Variants in FAM13C observed in about 807,000 individuals in gnomAD.
FAM13C encodes protein FAM13C.
Under a neutral mutation model 73.2 loss-of-function variants are expected in FAM13C, and 37 were observed. That is an observed-to-expected ratio of 0.51 (90% CI 0.39 to 0.67). The LOEUF (loss-of-function observed/expected upper bound fraction) is 0.67. Ranked by LOEUF, FAM13C falls within the 30% of genes least tolerant of loss-of-function variation. FAM13C has a pLI of 0.00. For synonymous variants in FAM13C, 246 were observed against 260.9 expected (o/e 0.94, Z 0.55); for missense variants, 589 against 715.6 (o/e 0.82, Z 2.02).
At chr10:59,316,894 T>A (rs558777350) in intron 4 of FAM13C, among the ~76,000 whole-genome samples, 21 of 152,322 alleles carry the variant, frequency 1.4e-4, no homozygotes, top group Admixed American at 1.2e-3. Context: ...CAATGTAATA[T>A]AATTATGTAT....
intron 3 of FAM13C, among the ~76,000 whole-genome samples, chr10:59,347,065 T>C (rs1854390464): frequency 6.6e-6 from 1 of 152,112 alleles, no homozygotes; most frequent in African/African-American, 2.4e-5. Flanking sequence ...AGGCATTCTT[T>C]TGCAAAGCCT....
intron 1 of FAM13C, 47 bp from the exon 2 acceptor site, chr10:59,355,990 T>C (rs1049454786): frequency 4.0e-6 from 6 of 1,516,032 alleles, no homozygotes; most frequent in Admixed American, 1.7e-5. Context: ...TTGTCTGCTA[T>C]AGCAGTAGTA....
intron 6 of FAM13C, among the ~76,000 whole-genome samples, chr10:59,274,712 C>T (rs999280987): frequency 1.3e-5 from 2 of 152,186 alleles, no homozygotes; most frequent in Non-Finnish European, 1.5e-5. Flanking sequence ...TATTTAATGT[C>T]TCTCAATCTC....
intron 6 of FAM13C, among the ~76,000 whole-genome samples, chr10:59,281,769 T>G (rs1025172211): frequency 1.3e-5 from 2 of 152,134 alleles, no homozygotes; most frequent in African/African-American, 4.8e-5. Flanking sequence ...GGAAGACACA[T>G]AAAAGTCATG....
Position 59,255,087 on chromosome 10 carries a change from T to C in FAM13C, c.1237-644A>G, listed in dbSNP as rs182186303. Among the ~76,000 whole-genome samples, 131 of 152,344 alleles carry C rather than the reference T, an allele frequency of 8.6e-4. 3 individuals are homozygous for C. The highest frequency in any genetic ancestry group is 1.3e-3 in the Non-Finnish European group (91 of 68,034). On this transcript the variant is annotated intron_variant, in intron 10 of 13. Coordinates refer to ENST00000618804, the MANE Select transcript of FAM13C (RefSeq NM_198215.4). ...AGACATTGATTTTTCTTCTGAAACA[T>C]GTATTTTATCTAGACTTTCCTGATT...
At position 59,331,403 on chromosome 10, in the gene FAM13C, C is replaced by T. The variant is rs139221139; in HGVS notation, c.325-7297G>A. Among the ~76,000 whole-genome samples the T allele has an allele frequency of 8.1e-3, 1,230 of 152,192 alleles. 15 individuals carry two copies. Among genetic ancestry groups the T allele is most frequent in the African/African-American group, 0.028 (1,173 of 41,530 alleles). On this transcript the variant is annotated intron_variant, in intron 3 of 13. Transcript: ENST00000618804. ...AGAGCATGGAATGTTCAAGGAACTC[C>T]GGATGGGTGACTATTTTTAGAGTGA...
At chr10:59,360,867 A>T in intron 1 of FAM13C, among the ~76,000 whole-genome samples, 1 of 127,984 alleles carries the variant, frequency 7.8e-6, no homozygotes, top group South Asian at 2.4e-4. Context: ...AAAAAAAAAA[A>T]AAAAAAAAAA....
intron 13 of FAM13C, among the ~76,000 whole-genome samples, chr10:59,249,659 G>T (rs1841180432): frequency 1.3e-5 from 2 of 152,154 alleles, no homozygotes; most frequent in African/African-American, 4.8e-5. Context: ...ACTTATGGAT[G>T]CTTAGGCCTT....
intron 6 of FAM13C, among the ~76,000 whole-genome samples, chr10:59,275,340 C>T (rs1266159736): frequency 1.3e-5 from 2 of 152,100 alleles, no homozygotes; most frequent in East Asian, 1.9e-4. Flanking sequence ...GCCAGAGGAA[C>T]GTATGATTCT....
At position 59,344,178 on chromosome 10, in the gene FAM13C, G is replaced by A. The variant is rs562395462; in HGVS notation, c.324+8092C>T. 4.0e-5 allele frequency among the ~76,000 whole-genome samples: 6 copies of A among 151,450 alleles called. No individual in the cohort carries two copies. The South Asian group carries it at 1.2e-3, about 32-fold the overall frequency. ...GGGGTTTCACCGTTTTAGCCAGGAT[G>A]GTCTCGATTTCCTGACCTCGCGATC... On this transcript the variant is annotated intron_variant, in intron 3 of 13. Transcript: ENST00000618804.
At chr10:59,294,436 G>C (rs1414374758) in intron 5 of FAM13C, among the ~76,000 whole-genome samples, 2 of 152,142 alleles carry the variant, frequency 1.3e-5, no homozygotes, top group Non-Finnish European at 2.9e-5. Flanking sequence ...CTGCCTCAAT[G>C]CCTCTGCTCA....
intron 5 of FAM13C, chr10:59,283,723 T>C (rs1845208626): frequency 3.4e-6 from 2 of 580,688 alleles, no homozygotes; most frequent in Non-Finnish European, 3.1e-6. Context: ...CTAACGTATA[T>C]GGATTATCTG....
chr10:59,251,522 A>G (rs755167884), intron 13 of FAM13C, 53 bp downstream of exon 13: 43 of 1,501,652 alleles, frequency 2.9e-5, no homozygotes, highest in Non-Finnish European at 3.6e-5. Flanking sequence ...CTCATTTTTA[A>G]CAGCAATTCT....
intron 4 of FAM13C, among the ~76,000 whole-genome samples, chr10:59,321,820 C>T (rs1850342431): frequency 6.6e-6 from 1 of 152,078 alleles, no homozygotes; most frequent in Non-Finnish European, 1.5e-5. Context: ...CGAGTCTCAC[C>T]AAAATGATGT....
At chr10:59,314,910 C>G (rs190056698) in intron 4 of FAM13C, among the ~76,000 whole-genome samples, 3 of 152,286 alleles carry the variant, frequency 2.0e-5, no homozygotes, top group African/African-American at 7.2e-5. Flanking sequence ...ATAAAATCAT[C>G]TGTAGTATTT....
At chr10:59,278,194 C>T (rs1171935623) in intron 6 of FAM13C, among the ~76,000 whole-genome samples, 1 of 152,136 alleles carries the variant, frequency 6.6e-6, no homozygotes, top group African/African-American at 2.4e-5. Flanking sequence ...GATTCAATTA[C>T]CTCCCACCAG....
intron 4 of FAM13C, among the ~76,000 whole-genome samples, chr10:59,307,671 G>A (rs1848421326): frequency 6.6e-6 from 1 of 151,954 alleles, no homozygotes; most frequent in South Asian, 2.1e-4. Flanking sequence ...TCTCACGGAA[G>A]GATAACAAAA....
intron 4 of FAM13C, among the ~76,000 whole-genome samples, chr10:59,306,601 C>T (rs1021360755): frequency 5.3e-5 from 8 of 152,264 alleles, no homozygotes; most frequent in Admixed American, 2.0e-4. Context: ...AGAGGCCGGG[C>T]GTTGTGTCTC....
At chr10:59,310,614 T>G (rs1272204111) in intron 4 of FAM13C, among the ~76,000 whole-genome samples, 2 of 151,936 alleles carry the variant, frequency 1.3e-5, no homozygotes, top group Non-Finnish European at 2.9e-5. Context: ...CCCGAGAGAC[T>G]ACTGAAAGAA....
Sources: allele counts gnomAD v4.1 joint callset (sites outside exome capture counted in the v4.1 genomes callset), GRCh38; gene constraint gnomAD v4.1.1; transcripts MANE v1.5; gene names NCBI Gene and HGNC (gene_info 2026-07-23, HGNC 2026-07-21).